The following PPP2R5A variants were observed in gnomAD, a reference collection of about 807,000 sequenced individuals.
PPP2R5A encodes the protein serine/threonine-protein phosphatase 2A 56 kDa regulatory subunit alpha isoform.
PPP2R5A carries 25 observed loss-of-function variants against 64.2 expected under a neutral mutation model. The ratio of observed to expected loss-of-function variants is 0.39; its 90% CI spans 0.28 to 0.54. The LOEUF (loss-of-function observed/expected upper bound fraction) is 0.54, where lower values mean the gene tolerates loss of function less well. PPP2R5A is among the 20% of genes least tolerant of loss of function. The pLI is 0.67. For synonymous variants in PPP2R5A, 198 were observed against 201.2 expected (o/e 0.98, Z 0.13); for missense variants, 425 against 576.3 (o/e 0.74, Z 2.69).
At chr1:212,292,046 A>G (rs1159063150) in intron 1 of PPP2R5A, among the ~76,000 whole-genome samples, 1 of 152,234 alleles carries the variant, frequency 6.6e-6, no homozygotes, top group African/African-American at 2.4e-5. Context: ...TAAATACAAG[A>G]TATTGAACAA....
intron 3 of PPP2R5A, among the ~76,000 whole-genome samples, chr1:212,338,966 A>G: frequency 6.6e-6 from 1 of 152,182 alleles, no homozygotes; most frequent in Admixed American, 6.5e-5. Context: ...CCTAGCAGAG[A>G]AGAACAAAAT....
chr1:212,313,697 C>T (rs900072072), intron 1 of PPP2R5A: 6 of 151,330 alleles, frequency 4.0e-5, no homozygotes, highest in South Asian at 4.2e-4. Context: ...AAACACCAAC[C>T]GTATTATATA....
chr1:212,310,012 C>T (rs573050927), intron 1 of PPP2R5A, among the ~76,000 whole-genome samples: 9 of 152,274 alleles, frequency 5.9e-5, no homozygotes, highest in African/African-American at 2.2e-4. Flanking sequence ...CTTTGTAAAG[C>T]CTCTGATCTT....
chr1:212,317,825 A>G (rs559376159), intron 1 of PPP2R5A, among the ~76,000 whole-genome samples: 1 of 152,246 alleles, frequency 6.6e-6, no homozygotes, highest in Non-Finnish European at 1.5e-5. Flanking sequence ...GTCTCTACTA[A>G]AAATACAAAA....
chr1:212,341,637 C>T (rs907341834), intron 3 of PPP2R5A, among the ~76,000 whole-genome samples: 15 of 152,090 alleles, frequency 9.9e-5, no homozygotes, highest in Non-Finnish European at 1.6e-4. Context: ...TGTAATTTAA[C>T]GTTTTGCATC....
At position 212,360,856 on chromosome 1, in the gene PPP2R5A, GTATAA is replaced by G. The variant is rs775695964; in HGVS notation, c.*93_*97del. Reference sequence around the variant, plus strand: ...AAAAATTACAAAACAAACCTCATCAGTATAATATAATTAAAAGGCCAATTTTTTCT... The same window carrying G: ...AAAAATTACAAAACAAACCTCATCAGTATAATTAAAAGGCCAATTTTTTCT... On this transcript the variant is annotated 3_prime_UTR_variant, in exon 13 of 13. Coordinates refer to ENST00000261461, the MANE Select transcript of PPP2R5A (RefSeq NM_006243.4). 765 of 1,302,960 alleles carry G rather than the reference GTATAA, an allele frequency of 5.9e-4. 2 individuals carry two copies. Among genetic ancestry groups the G allele is most frequent in the Non-Finnish European group, 3.8e-4 (379 of 994,260 alleles). The allele number at this position is 1,302,960 out of a possible 1,614,324, so 80.7% of individuals were successfully genotyped here. A position where few individuals can be genotyped will look rare whatever the true frequency, so the allele number is the denominator to read the frequency against.
intron 1 of PPP2R5A, among the ~76,000 whole-genome samples, chr1:212,290,825 T>G (rs1301466838): frequency 2.6e-5 from 4 of 152,238 alleles, no homozygotes; most frequent in Non-Finnish European, 4.4e-5. Flanking sequence ...TCTTCCTGCA[T>G]CAGTGATGAC....
At position 212,285,756 on chromosome 1, in the gene PPP2R5A, ACCCGCACC is replaced by A; in HGVS notation, c.-350_-343del. The A allele has an allele frequency of 5.2e-6, 1 of 191,762 alleles. No homozygotes were observed. The highest frequency in any genetic ancestry group is 1.8e-4 in the South Asian group (1 of 5,486). 11.9% of individuals were successfully genotyped at this position (191,762 alleles called of 1,614,324 possible). On this transcript the variant is annotated 5_prime_UTR_variant, in exon 1 of 13. Coordinates refer to ENST00000261461, the MANE Select transcript of PPP2R5A (RefSeq NM_006243.4). ...AGAAGCGACGAGAGGCGCGCTCGGC[ACCCGCACC>A]CCCGTGCCCCCGCCTCAGTTGTCTA...
At chr1:212,300,572 C>G (rs1658783968) in intron 1 of PPP2R5A, among the ~76,000 whole-genome samples, 1 of 152,128 alleles carries the variant, frequency 6.6e-6, no homozygotes, top group Non-Finnish European at 1.5e-5. Flanking sequence ...TTTTGAGCAT[C>G]TTCCCATATT....
chr1:212,324,642 TC>T (rs1233841130), intron 1 of PPP2R5A, among the ~76,000 whole-genome samples: 1 of 151,714 alleles, frequency 6.6e-6, no homozygotes, highest in African/African-American at 2.4e-5. Context: ...TCTTGCTCTG[TC>T]CCCCAGGCTG....
intron 1 of PPP2R5A, among the ~76,000 whole-genome samples, chr1:212,320,360 T>C (rs373639411): frequency 2.6e-5 from 4 of 152,122 alleles, no homozygotes; most frequent in African/African-American, 4.8e-5. Context: ...TACACAGACA[T>C]GGCAACCATC....
intron 1 of PPP2R5A, among the ~76,000 whole-genome samples, chr1:212,323,314 C>T (rs905742505): frequency 7.9e-5 from 12 of 152,186 alleles, no homozygotes; most frequent in Non-Finnish European, 5.9e-5. Context: ...GAATTCGCTT[C>T]AAAGGATTGT....
At chr1:212,302,161 T>G in intron 1 of PPP2R5A, 25 of 1,345,322 alleles carry the variant, frequency 1.9e-5, no homozygotes, top group Non-Finnish European at 2.3e-5. Flanking sequence ...GAATAGAGAC[T>G]AGATTTTCTG....
At chr1:212,296,459 C>T (rs1373295428) in intron 1 of PPP2R5A, among the ~76,000 whole-genome samples, 1 of 152,182 alleles carries the variant, frequency 6.6e-6, no homozygotes, top group Non-Finnish European at 1.5e-5. Flanking sequence ...TTCAGATTTG[C>T]TTATAAGAAG....
At chr1:212,331,676 A>G (rs778788462) in intron 2 of PPP2R5A, 1 of 152,210 alleles carries the variant, frequency 6.6e-6, no homozygotes, top group African/African-American at 2.4e-5. Flanking sequence ...GCTTATATTC[A>G]GGAATTTTTA....
At position 212,357,374 on chromosome 1, in the gene PPP2R5A, T is replaced by G. The variant is rs1259945926; in HGVS notation, c.1226+90T>G. ...TTTCCTAACTCATACTTGAAACCTA[T>G]TACAGATTTGGAAGTTACTCCAAGG... On this transcript the variant is annotated intron_variant, in intron 11 of 12. Transcript: ENST00000261461. The G allele has an allele frequency of 9.6e-6, 12 of 1,246,918 alleles. No individual in the cohort carries two copies. The East Asian group carries it at 3.2e-4, about 34-fold the overall frequency. The allele number at this position is 1,246,918 out of a possible 1,614,324, so 77.2% of individuals were successfully genotyped here.
intron 1 of PPP2R5A, among the ~76,000 whole-genome samples, chr1:212,292,507 T>C (rs1224467998): frequency 1.3e-5 from 2 of 152,208 alleles, no homozygotes; most frequent in Non-Finnish European, 2.9e-5. Flanking sequence ...CCCCTTTAGA[T>C]TGTGCTGCTT....
chr1:212,352,791 T>G (rs546011693), intron 8 of PPP2R5A: 4 of 518,856 alleles, frequency 7.7e-6, no homozygotes, highest in African/African-American at 7.7e-5. Context: ...ATCACAAAAT[T>G]TATTGGCTTA....
At chr1:212,342,160 T>C in intron 3 of PPP2R5A, 28 bp from the exon 4 acceptor site, 1 of 1,610,076 alleles carries the variant, frequency 6.2e-7, no homozygotes, top group Non-Finnish European at 8.5e-7. Context: ...AGCCATCATC[T>C]TAGCCTTTAT....
Sources: allele counts gnomAD v4.1 joint callset (sites outside exome capture counted in the v4.1 genomes callset), GRCh38; gene constraint gnomAD v4.1.1; transcripts MANE v1.5; gene names NCBI Gene and HGNC (gene_info 2026-07-23, HGNC 2026-07-21).